The following FRMD4A variants were observed in gnomAD, a reference collection of about 807,000 sequenced individuals.
FRMD4A encodes the protein FERM domain-containing protein 4A.
Under a neutral mutation model 129.1 loss-of-function variants are expected in FRMD4A, and 29 were observed. That is an observed-to-expected ratio of 0.22 (90% confidence interval 0.17 to 0.31). FRMD4A has a LOEUF of 0.31. Among genes scored for constraint, FRMD4A ranks in the 10% least tolerant of loss-of-function variants. The pLI is 1.00. For synonymous variants in FRMD4A, 634 were observed against 571.6 expected (o/e 1.11, Z -1.56); for missense variants, 1,272 against 1,375.8 (o/e 0.92, Z 1.19).
intron 18 of FRMD4A, among the ~76,000 whole-genome samples, chr10:13,664,552 A>G (rs1193214691): frequency 6.6e-6 from 1 of 152,252 alleles, no homozygotes; most frequent in Admixed American, 6.5e-5. Context: ...ATGAGCAACC[A>G]GGAGCTCTGA....
At chr10:13,925,401 CT>C (rs1377625441) in intron 2 of FRMD4A, among the ~76,000 whole-genome samples, 7 of 152,060 alleles carry the variant, frequency 4.6e-5, no homozygotes, top group African/African-American at 1.7e-4. Flanking sequence ...AATGTGATCG[CT>C]TTATCTTCTG....
At position 13,657,522 on chromosome 10, in the gene FRMD4A, C is replaced by G. The variant is rs568164325; in HGVS notation, c.2067G>C (p.Arg689Ser). 1.2e-5 allele frequency: 19 copies of G among 1,577,862 alleles called. No individual in the cohort carries two copies. The East Asian group carries it at 4.4e-4, about 36-fold the overall frequency. ...VRSPHYVHST[R>S]SVDISPTRLH... ...GTCGGGTGGGGCTGATGTCCACCGA[C>G]CTGCCGGGAGACGACCCGGGTTGGT... Residue 689 changes from arginine (R) to serine (S), a missense_variant and splice_region_variant, in exon 22 of 25, where the codon AGG becomes AGC. Coordinates refer to ENST00000357447, the MANE Select transcript of FRMD4A (RefSeq NM_018027.5).
chr10:14,272,590 A>G (rs1480906958), intron 2 of FRMD4A, among the ~76,000 whole-genome samples: 1 of 152,212 alleles, frequency 6.6e-6, no homozygotes, highest in Non-Finnish European at 1.5e-5. Context: ...CTCTAAGACC[A>G]ATTCTCTCAA....
chr10:13,954,868 C>T (rs58852058), intron 2 of FRMD4A, among the ~76,000 whole-genome samples: 34 of 152,306 alleles, frequency 2.2e-4, no homozygotes, highest in African/African-American at 7.7e-4. Context: ...TCATGTTACA[C>T]TTTTAACTTG....
chr10:14,007,061 A>G (rs2095664786), intron 2 of FRMD4A: 1 of 152,142 alleles, frequency 6.6e-6, no homozygotes, highest in African/African-American at 2.4e-5. Flanking sequence ...TAAATAAAAC[A>G]TCGCTGAGTA....
intron 2 of FRMD4A, among the ~76,000 whole-genome samples, chr10:14,181,996 A>G (rs1012498904): frequency 1.3e-5 from 2 of 152,220 alleles, no homozygotes; most frequent in Non-Finnish European, 2.9e-5. Context: ...TACCCGGACT[A>G]CATCTTTTCT....
At chr10:14,264,303 C>G (rs1182689727) in intron 2 of FRMD4A, among the ~76,000 whole-genome samples, 6 of 152,134 alleles carry the variant, frequency 3.9e-5, no homozygotes, top group South Asian at 4.1e-4. Flanking sequence ...CCCAGGTTCC[C>G]CATTGATACA....
intron 2 of FRMD4A, among the ~76,000 whole-genome samples, chr10:14,222,790 A>G (rs1843304772): frequency 6.6e-6 from 1 of 152,182 alleles, no homozygotes; most frequent in African/African-American, 2.4e-5. Context: ...TGATTGCAAC[A>G]GGCTCTGTAG....
chr10:14,229,239 T>C (rs567456781), intron 2 of FRMD4A, among the ~76,000 whole-genome samples: 1 of 152,190 alleles, frequency 6.6e-6, no homozygotes, highest in South Asian at 2.1e-4. Flanking sequence ...CTTAAGAAAA[T>C]ATATTCTAAT....
intron 2 of FRMD4A, among the ~76,000 whole-genome samples, chr10:14,217,729 C>T (rs776755834): frequency 1.1e-4 from 17 of 152,290 alleles, no homozygotes; most frequent in South Asian, 2.1e-4. Context: ...AGGTCTCTGT[C>T]CACTTATAGA....
rs549072546 is a variant in FRMD4A at position 13,855,542 on chromosome 10, G to A, written c.111+3305C>T. Reference sequence around the variant, plus strand: ...CAAACCTTGTCAGGTCAATGTAGGTGTCTTTCCCACCCATCCCCATTTCTA... The same window carrying A: ...CAAACCTTGTCAGGTCAATGTAGGTATCTTTCCCACCCATCCCCATTTCTA... On this transcript the variant is annotated intron_variant, in intron 3 of 24. Coordinates refer to ENST00000357447, the MANE Select transcript of FRMD4A (RefSeq NM_018027.5). Among the ~76,000 whole-genome samples, 10 of 152,250 alleles carry A rather than the reference G, an allele frequency of 6.6e-5. 2 individuals carry two copies. Among genetic ancestry groups the A allele is most frequent in the African/African-American group, 2.4e-4 (10 of 41,546 alleles).
chr10:13,855,219 C>G (rs947855240), intron 3 of FRMD4A, among the ~76,000 whole-genome samples: 3 of 152,118 alleles, frequency 2.0e-5, no homozygotes, highest in Non-Finnish European at 4.4e-5. Flanking sequence ...GTTTACAGTG[C>G]TGCATGAAAT....
chr10:13,843,366 G>A (rs1425230698), intron 3 of FRMD4A, among the ~76,000 whole-genome samples: 1 of 152,212 alleles, frequency 6.6e-6, no homozygotes, highest in East Asian at 1.9e-4. Flanking sequence ...GAGTGTGAGT[G>A]ACTGCTTCAG....
chr10:14,237,870 CT>C (rs1161600964), intron 2 of FRMD4A, among the ~76,000 whole-genome samples: 2 of 152,180 alleles, frequency 1.3e-5, no homozygotes, highest in African/African-American at 4.8e-5. Flanking sequence ...GAGGGTCCTC[CT>C]CGGCCAGCTT....
intron 12 of FRMD4A, among the ~76,000 whole-genome samples, chr10:13,732,098 G>C (rs1035042565): frequency 9.9e-5 from 15 of 152,114 alleles, no homozygotes; most frequent in African/African-American, 3.6e-4. Context: ...AGAGTGTGGG[G>C]TTTAAATGTT....
At chr10:14,100,677 T>C (rs894527169) in intron 2 of FRMD4A, among the ~76,000 whole-genome samples, 52 of 152,114 alleles carry the variant, frequency 3.4e-4, no homozygotes, top group Non-Finnish European at 5.4e-4. Context: ...GTTAAGATTA[T>C]TGAAGATTAT....
chr10:13,984,113 C>T (rs551204770), intron 2 of FRMD4A, among the ~76,000 whole-genome samples: 32 of 152,226 alleles, frequency 2.1e-4, no homozygotes, highest in African/African-American at 7.7e-4. Flanking sequence ...AGTCTGACCA[C>T]GGTGAAGTGG....
chr10:14,230,986 A>G (rs1243525127), intron 2 of FRMD4A, among the ~76,000 whole-genome samples: 2 of 152,192 alleles, frequency 1.3e-5, no homozygotes, highest in Admixed American at 6.5e-5. Context: ...ATGGCTACAT[A>G]GTATTCCATG....
chr10:14,011,682 G>T (rs2095682993), intron 2 of FRMD4A, among the ~76,000 whole-genome samples: 1 of 152,140 alleles, frequency 6.6e-6, no homozygotes, highest in African/African-American at 2.4e-5. Context: ...CCAAAGGAAT[G>T]GGAAATGGTG....
Sources: gnomAD v4.1 joint callset for allele counts (sites outside exome capture counted in the v4.1 genomes callset) on GRCh38, gnomAD v4.1.1 for gene constraint, MANE v1.5 for transcripts, NCBI Gene and HGNC (gene_info 2026-07-23, HGNC 2026-07-21) for gene names.